MAPKAP1: variants seen among roughly 807,000 people sequenced by gnomAD.
MAPKAP1 encodes MAPK associated protein 1.
A neutral mutation model predicts 65.7 loss-of-function variants in MAPKAP1; 20 were observed. The ratio of observed to expected loss-of-function variants is 0.30; its 90% CI spans 0.21 to 0.44. MAPKAP1 has a LOEUF of 0.44. Ranked by LOEUF, MAPKAP1 falls within the 20% of genes least tolerant of loss-of-function variation. The probability of loss-of-function intolerance (pLI) is 1.00; values close to 1 mark genes in which losing one functional copy is unlikely to be tolerated. For synonymous variants in MAPKAP1, 222 were observed against 244.3 expected, an observed-to-expected ratio of 0.91 and a Z score of 0.85; for missense variants, 423 against 648.0, an observed-to-expected ratio of 0.65 and a Z score of 3.77.
intron 5 of MAPKAP1, among the ~76,000 whole-genome samples, chr9:125,576,507 C>A (rs948734852): frequency 6.6e-6 from 1 of 150,720 alleles, no homozygotes; most frequent in Admixed American, 6.6e-5. Context: ...CCTCTCCCCA[C>A]GGTCTCCCTC....
chr9:125,530,153 G>T (rs1322361387), intron 7 of MAPKAP1, among the ~76,000 whole-genome samples: 1 of 152,186 alleles, frequency 6.6e-6, no homozygotes, highest in East Asian at 1.9e-4. Flanking sequence ...TAAAGCAAGG[G>T]TTTTTTCATA....
intron 4 of MAPKAP1, among the ~76,000 whole-genome samples, chr9:125,623,794 C>T (rs1312034601): frequency 0.042 from 1,040 of 25,046 alleles, no homozygotes; most frequent in Non-Finnish European, 0.058. Flanking sequence ...CCGTGCCGTC[C>T]GGGAGGGAGG....
chr9:125,688,827 G>A (rs1028963396), intron 1 of MAPKAP1, among the ~76,000 whole-genome samples: 4 of 152,070 alleles, frequency 2.6e-5, no homozygotes, highest in South Asian at 4.1e-4. Flanking sequence ...AGTAAACTTC[G>A]GCACAAACTT....
chr9:125,516,551 A>G (rs947018271), intron 7 of MAPKAP1, among the ~76,000 whole-genome samples: 3 of 152,162 alleles, frequency 2.0e-5, no homozygotes, highest in Non-Finnish European at 2.9e-5. Context: ...ACAGGCTCTC[A>G]ATATTATCAG....
chr9:125,703,843 C>A (rs1169608763), intron 1 of MAPKAP1, among the ~76,000 whole-genome samples: 4 of 151,722 alleles, frequency 2.6e-5, no homozygotes, highest in Admixed American at 2.0e-4. Context: ...CAACTGCGTC[C>A]GTAACAGTAA....
chr9:125,522,473 T>C (rs1333246965), intron 7 of MAPKAP1, among the ~76,000 whole-genome samples: 2 of 152,244 alleles, frequency 1.3e-5, no homozygotes, highest in Non-Finnish European at 2.9e-5. Flanking sequence ...CTCTAAGGAC[T>C]TGGCATAGTG....
chr9:125,457,032 A>G (rs1276607827), intron 10 of MAPKAP1, among the ~76,000 whole-genome samples: 2 of 147,194 alleles, frequency 1.4e-5, no homozygotes, highest in Non-Finnish European at 3.0e-5. Context: ...TCTGCTGTCC[A>G]GGCTGGAGTA....
At chr9:125,526,765 T>C (rs1330660018) in intron 7 of MAPKAP1, among the ~76,000 whole-genome samples, 1 of 151,708 alleles carries the variant, frequency 6.6e-6, no homozygotes, top group African/African-American at 2.4e-5. Flanking sequence ...AGCATATATA[T>C]AGTTTTCTTT....
At chr9:125,586,644 T>A (rs889662618) in intron 4 of MAPKAP1, among the ~76,000 whole-genome samples, 1 of 152,180 alleles carries the variant, frequency 6.6e-6, no homozygotes, top group Admixed American at 6.5e-5. Context: ...GGCCATCCGA[T>A]GACACCATCC....
At chr9:125,543,229 A>C in intron 6 of MAPKAP1, 61 bp from the exon 7 acceptor site, 1 of 1,229,000 alleles carries the variant, frequency 8.1e-7, no homozygotes, top group Non-Finnish European at 1.2e-6. Context: ...TGTTACTGCA[A>C]TCTTCACTGT....
At chr9:125,656,992 A>T (rs1052568129) in intron 4 of MAPKAP1, among the ~76,000 whole-genome samples, 1 of 152,226 alleles carries the variant, frequency 6.6e-6, no homozygotes, top group African/African-American at 2.4e-5. Context: ...TAGCCTCCAT[A>T]GCAAGTGTCA....
intron 10 of MAPKAP1, among the ~76,000 whole-genome samples, chr9:125,456,722 C>T (rs1413289088): frequency 1.3e-5 from 2 of 152,178 alleles, no homozygotes; most frequent in Non-Finnish European, 1.5e-5. Flanking sequence ...ACTCTGCCAG[C>T]AACGACTCAG....
chr9:125,478,762 A>C (rs1854199002), intron 9 of MAPKAP1, among the ~76,000 whole-genome samples: 1 of 152,104 alleles, frequency 6.6e-6, no homozygotes, highest in Non-Finnish European at 1.5e-5. Flanking sequence ...GGTGTGGGAG[A>C]GTTGGTACTA....
At chr9:125,608,227 T>C (rs188153703) in intron 4 of MAPKAP1, among the ~76,000 whole-genome samples, 3 of 152,238 alleles carry the variant, frequency 2.0e-5, no homozygotes, top group Admixed American at 6.5e-5. Flanking sequence ...GTGTTCCCAT[T>C]ATGTTACAGT....
At chr9:125,603,926 A>G (rs769379485) in intron 4 of MAPKAP1, among the ~76,000 whole-genome samples, 1 of 152,078 alleles carries the variant, frequency 6.6e-6, no homozygotes, top group African/African-American at 2.4e-5. Context: ...TATGCCAAGA[A>G]ACATTTTATT....
intron 7 of MAPKAP1, among the ~76,000 whole-genome samples, chr9:125,533,586 G>T (rs563299321): frequency 2.6e-5 from 4 of 152,084 alleles, no homozygotes; most frequent in Non-Finnish European, 5.9e-5. Context: ...GAGTACCTGG[G>T]ATTACAGGCA....
chr9:125,693,700 T>TATATATACACACACATATACAC (rs1564620255), intron 1 of MAPKAP1, among the ~76,000 whole-genome samples: 5 of 77,656 alleles, frequency 6.4e-5, no homozygotes, highest in African/African-American at 3.1e-4. Flanking sequence ...TATATACACG[T>TATATATACACACACATATACAC]ATATATACAC....
intron 3 of MAPKAP1, among the ~76,000 whole-genome samples, chr9:125,667,905 A>G (rs535694360): frequency 6.6e-6 from 1 of 152,374 alleles, no homozygotes; most frequent in Admixed American, 6.5e-5. Context: ...AAGTATTTTC[A>G]GTTTGTATTA....
At chr9:125,575,001 T>A (rs1327069014) in intron 5 of MAPKAP1, among the ~76,000 whole-genome samples, 1 of 152,192 alleles carries the variant, frequency 6.6e-6, no homozygotes, top group Non-Finnish European at 1.5e-5. Context: ...TATATTCTGA[T>A]TAAGAAAGTA....
Sources: gnomAD v4.1 joint callset for allele counts (sites outside exome capture counted in the v4.1 genomes callset) on GRCh38, gnomAD v4.1.1 for gene constraint, MANE v1.5 for transcripts, NCBI Gene and HGNC (gene_info 2026-07-23, HGNC 2026-07-21) for gene names.